The following STON2 variants were observed in gnomAD, a reference collection of about 807,000 sequenced individuals.
The protein encoded by STON2 is stonin 2.
STON2 carries 29 observed loss-of-function variants against 65.7 expected under a neutral mutation model. The ratio of observed to expected loss-of-function variants is 0.44; its 90% CI spans 0.33 to 0.60. The LOEUF is 0.60. STON2 is among the 20% of genes least tolerant of loss of function. The pLI is 0.03. For missense variants in STON2, 1,054 were observed against 1,118.1 expected (o/e 0.94, Z 0.82); for synonymous variants, 404 against 414.2 (o/e 0.98, Z 0.30).
chr14:81,310,442 AGTGTGAG>A, intron 5 of STON2, among the ~76,000 whole-genome samples: 1 of 152,306 alleles, frequency 6.6e-6, no homozygotes, highest in African/African-American at 2.4e-5. Flanking sequence ...TAGATGGACC[AGTGTGAG>A]CAGCATCTCC....
chr14:81,392,122 T>A (rs1900106935), intron 3 of STON2, among the ~76,000 whole-genome samples: 1 of 152,092 alleles, frequency 6.6e-6, no homozygotes, highest in African/African-American at 2.4e-5. Context: ...ATGTTAAAAA[T>A]ATCAACTCAA....
rs1220150437 is a variant in STON2 at position 81,261,152 on chromosome 14, C to G, written c.*7262G>C. The G allele has an allele frequency of 6.6e-6, 1 of 152,208 alleles. No homozygotes were observed. Among genetic ancestry groups the G allele is most frequent in the Non-Finnish European group, 1.5e-5 (1 of 68,054 alleles). 9.4% of individuals were successfully genotyped at this position (152,208 alleles called of 1,614,324 possible). On this transcript the variant is annotated 3_prime_UTR_variant, in exon 8 of 8. Transcript: ENST00000614646. Reference sequence around the variant, plus strand: ...TCCCTCACCCCTATACTTTAGAACTCTCACACCCAACAATTTGCTGTTGGG... The same window carrying G: ...TCCCTCACCCCTATACTTTAGAACTGTCACACCCAACAATTTGCTGTTGGG...
chr14:81,269,323 T>G, intron 7 of STON2: 1 of 985,406 alleles, frequency 1.0e-6, no homozygotes, highest in South Asian at 4.7e-5. Context: ...GTACTTTCTC[T>G]CTTTAGAAAA....
At chr14:81,309,433 C>G (rs1896337621) in intron 5 of STON2, among the ~76,000 whole-genome samples, 4 of 152,292 alleles carry the variant, frequency 2.6e-5, no homozygotes, top group Admixed American at 1.3e-4. Flanking sequence ...AATACTTTCT[C>G]TATGCCTTCT....
In STON2 at chr14:81,262,817, C is replaced by T; in HGVS notation, c.*5597G>A. ...CTAGTTAATACATGGGAGAATATTA[C>T]TAATACATACATTTGTTTTCTACAT... On this transcript the variant is annotated 3_prime_UTR_variant, in exon 8 of 8. Coordinates refer to ENST00000614646, the MANE Select transcript of STON2 (RefSeq NM_001394390.1). The T allele has an allele frequency of 1.0e-6, 1 of 985,268 alleles. No homozygotes were observed. Among genetic ancestry groups the T allele is most frequent in the Non-Finnish European group, 1.2e-6 (1 of 829,812 alleles). The allele number at this position is 985,268 out of a possible 1,614,324, so 61.0% of individuals were successfully genotyped here.
intron 4 of STON2, among the ~76,000 whole-genome samples, chr14:81,325,893 A>G (rs1412407466): frequency 6.6e-6 from 1 of 152,106 alleles, no homozygotes; most frequent in Non-Finnish European, 1.5e-5. Flanking sequence ...CCCTGTAAAC[A>G]TGATTACAAT....
chr14:81,431,734 C>T (rs1011018511), intron 1 of STON2, among the ~76,000 whole-genome samples: 12 of 150,992 alleles, frequency 7.9e-5, no homozygotes, highest in Admixed American at 7.9e-4. Flanking sequence ...GCCGATATTG[C>T]GCACTGCACT....
chr14:81,380,978 T>C (rs1014924064), intron 3 of STON2, among the ~76,000 whole-genome samples: 2 of 151,782 alleles, frequency 1.3e-5, no homozygotes, highest in African/African-American at 4.8e-5. Flanking sequence ...CTAAAATAAA[T>C]GTTGGAAAGA....
intron 3 of STON2, among the ~76,000 whole-genome samples, chr14:81,382,310 C>T (rs2145122): frequency 0.58 from 87,551 of 152,024 alleles, 27,367 homozygotes; most frequent in African/African-American, 0.82. Context: ...TATAATGGAA[C>T]ACAGAGTAAT....
chr14:81,371,869 TGG>T (rs767051654), intron 3 of STON2, among the ~76,000 whole-genome samples: 16 of 152,042 alleles, frequency 1.1e-4, no homozygotes, highest in African/African-American at 3.6e-4. Context: ...CCATTTTTAG[TGG>T]CACAAAAAAA....
intron 1 of STON2, among the ~76,000 whole-genome samples, chr14:81,435,898 G>C (rs929211979): frequency 6.6e-6 from 1 of 152,202 alleles, no homozygotes; most frequent in Admixed American, 6.5e-5. Flanking sequence ...AAGGCGGGGC[G>C]CGGCGCCAAC....
At chr14:81,273,662 T>C (rs916834651) in intron 6 of STON2, among the ~76,000 whole-genome samples, 2 of 151,932 alleles carry the variant, frequency 1.3e-5, no homozygotes, top group South Asian at 4.2e-4. Flanking sequence ...GGGAGTCACG[T>C]TGGAATTCAA....
chr14:81,365,655 C>T (rs767323847), intron 4 of STON2, among the ~76,000 whole-genome samples: 1 of 152,088 alleles, frequency 6.6e-6, no homozygotes, highest in Admixed American at 6.5e-5. Flanking sequence ...ACTCAGGAGG[C>T]TGAGATGGGA....
chr14:81,396,792 C>T (rs2140439456), intron 2 of STON2, among the ~76,000 whole-genome samples: 1 of 152,182 alleles, frequency 6.6e-6, no homozygotes, highest in East Asian at 1.9e-4. Flanking sequence ...GGCGCAGTGG[C>T]TCATGCCTAT....
rs148802472 is a variant in STON2 at position 81,277,486 on chromosome 14, C to G, written c.1996G>C (p.Ala666Pro). Residue 666 changes from alanine to proline, a missense_variant, in exon 6 of 8, where the codon GCA (alanine) becomes CCA (proline). Transcript: ENST00000614646. Reference sequence around the variant, plus strand: ...TCATTGAGGCCCAGGCGGCACTCTGCGAGCCCAGACAGGAAACTCAGGATG... The same window carrying G: ...TCATTGAGGCCCAGGCGGCACTCTGGGAGCCCAGACAGGAAACTCAGGATG... The part of the protein sequence containing the change: ...IHILSFLSGL[A>P]ECRLGLNDIL... 1 of 1,614,014 alleles carries G rather than the reference C, an allele frequency of 6.2e-7. No individual in the cohort carries two copies.
At chr14:81,376,494 A>G (rs1899258158) in intron 3 of STON2, among the ~76,000 whole-genome samples, 1 of 152,164 alleles carries the variant, frequency 6.6e-6, no homozygotes, top group Non-Finnish European at 1.5e-5. Flanking sequence ...CCTTCCCACC[A>G]GAAAAATGTC....
intron 2 of STON2, among the ~76,000 whole-genome samples, chr14:81,426,603 C>T (rs1169509739): frequency 6.6e-6 from 1 of 152,148 alleles, no homozygotes; most frequent in Admixed American, 6.5e-5. Flanking sequence ...CTCTCCCTTC[C>T]CTGAAATGAC....
intron 4 of STON2, among the ~76,000 whole-genome samples, chr14:81,360,590 A>C (rs1214698308): frequency 2.0e-5 from 3 of 152,220 alleles, no homozygotes; most frequent in African/African-American, 7.2e-5. Context: ...GAAAAACTGA[A>C]ACTCTTTTCC....
At chr14:81,338,593 G>A (rs980900926) in intron 4 of STON2, among the ~76,000 whole-genome samples, 5 of 152,198 alleles carry the variant, frequency 3.3e-5, no homozygotes, top group African/African-American at 9.7e-5. Context: ...ATATCTGGTC[G>A]ATCAGAAGTA....
Sources: gnomAD v4.1 joint callset for allele counts (sites outside exome capture counted in the v4.1 genomes callset) on GRCh38, gnomAD v4.1.1 for gene constraint, MANE v1.5 for transcripts, NCBI Gene and HGNC (gene_info 2026-07-23, HGNC 2026-07-21) for gene names.